Variants in DCAF5 observed in about 807,000 individuals in gnomAD.
DCAF5 encodes DDB1 and CUL4 associated factor 5.
In DCAF5, 9 loss-of-function variants were observed where a neutral mutation model predicts 80.7. The ratio of observed to expected loss-of-function variants is 0.11; its 90% CI spans 0.07 to 0.19. The LOEUF (loss-of-function observed/expected upper bound fraction) is 0.19. Among genes scored for constraint, DCAF5 ranks in the 10% least tolerant of loss-of-function variants. The pLI is 1.00. For missense variants in DCAF5, 842 were observed against 1,205.7 expected (o/e 0.70, Z 4.47); for synonymous variants, 433 against 461.9 (o/e 0.94, Z 0.80).
rs1266315983 is a variant in DCAF5, at chr14:69,119,185, T to G, written c.395+9A>C. On this transcript the variant is annotated intron_variant, in intron 3 of 8. Transcript: ENST00000341516. Reference sequence around the variant, plus strand: ...GTCAATCACCTTCACACACCACCAATCTATTTACCTTTCAACATCATGGAG... The same window carrying G: ...GTCAATCACCTTCACACACCACCAAGCTATTTACCTTTCAACATCATGGAG... 6.2e-7 allele frequency: 1 copy of G among 1,612,738 alleles called. No individual in the cohort carries two copies. Among genetic ancestry groups the G allele is most frequent in the Admixed American group, 1.7e-5 (1 of 59,680 alleles).
At chr14:69,132,357 C>T (rs1337282984) in intron 1 of DCAF5, among the ~76,000 whole-genome samples, 1 of 152,138 alleles carries the variant, frequency 6.6e-6, no homozygotes, top group Non-Finnish European at 1.5e-5. Flanking sequence ...GAAATGTTTG[C>T]TGGCCTTTTT....
chr14:69,084,327 A>G, intron 6 of DCAF5: 1 of 950,822 alleles, frequency 1.1e-6, no homozygotes, highest in South Asian at 1.3e-5. Context: ...GACCATATGC[A>G]GAATATCCCA....
chr14:69,071,655 C>T (rs1309418481), intron 7 of DCAF5, among the ~76,000 whole-genome samples: 1 of 152,064 alleles, frequency 6.6e-6, no homozygotes, highest in African/African-American at 2.4e-5. Flanking sequence ...AATGTGTACG[C>T]ACTTATCTTT....
chr14:69,082,632 C>T (rs566544707), intron 6 of DCAF5, among the ~76,000 whole-genome samples: 3 of 152,280 alleles, frequency 2.0e-5, no homozygotes, highest in East Asian at 3.9e-4. Context: ...AGATGAGGGG[C>T]CATTAACCAT....
At chr14:69,082,640 C>T (rs772797747) in intron 6 of DCAF5, among the ~76,000 whole-genome samples, 10 of 152,206 alleles carry the variant, frequency 6.6e-5, no homozygotes, top group Admixed American at 2.6e-4. Context: ...GGCCATTAAC[C>T]ATTAGCCCCC....
intron 5 of DCAF5, among the ~76,000 whole-genome samples, chr14:69,115,078 G>A (rs1350431733): frequency 3.3e-5 from 5 of 152,232 alleles, no homozygotes; most frequent in Non-Finnish European, 7.3e-5. Flanking sequence ...GGATGAGGCA[G>A]AACAGTTGTT....
intron 1 of DCAF5, among the ~76,000 whole-genome samples, chr14:69,127,152 T>C (rs574094694): frequency 4.2e-4 from 64 of 151,952 alleles, no homozygotes; most frequent in South Asian, 3.5e-3. Flanking sequence ...ACCAAAGGAG[T>C]TGAAACTTGT....
At chr14:69,062,577 T>C in intron 7 of DCAF5, 66 bp from the exon 8 acceptor site, 2 of 1,585,398 alleles carry the variant, frequency 1.3e-6, no homozygotes, top group Non-Finnish European at 1.7e-6. Context: ...GTTCCAGTAA[T>C]GGCAGATAAA....
intron 8 of DCAF5, among the ~76,000 whole-genome samples, chr14:69,056,557 G>A (rs972820274): frequency 5.3e-5 from 8 of 152,218 alleles, no homozygotes; most frequent in African/African-American, 1.9e-4. Flanking sequence ...GCAGCACAGA[G>A]CAGCCCAGTT....
chr14:69,148,027 C>A (rs2041590120), intron 1 of DCAF5, among the ~76,000 whole-genome samples: 1 of 150,162 alleles, frequency 6.7e-6, no homozygotes, highest in Non-Finnish European at 1.5e-5. Context: ...GAGTAACAAT[C>A]CAAGTCAAAT....
At chr14:69,110,871 T>C in intron 5 of DCAF5, among the ~76,000 whole-genome samples, 1 of 87,962 alleles carries the variant, frequency 1.1e-5, no homozygotes, top group Non-Finnish European at 2.0e-5. Context: ...ACCAAGACCC[T>C]GTCTCAAAAA....
intron 7 of DCAF5, among the ~76,000 whole-genome samples, chr14:69,074,971 T>C (rs907026190): frequency 2.6e-5 from 4 of 151,154 alleles, no homozygotes; most frequent in Non-Finnish European, 5.9e-5. Context: ...GAGGCAGAGG[T>C]TGCAGTGAGC....
At chr14:69,098,522 A>G (rs939056893) in intron 5 of DCAF5, among the ~76,000 whole-genome samples, 1 of 152,132 alleles carries the variant, frequency 6.6e-6, no homozygotes, top group African/African-American at 2.4e-5. Flanking sequence ...ACGGTGCCAG[A>G]CAATAATAGG....
At position 69,147,950 on chromosome 14, in the gene DCAF5, C is replaced by T. The variant is rs1238829902; in HGVS notation, c.214+4815G>A. Among the ~76,000 whole-genome samples, 5 of 151,994 alleles carry T rather than the reference C, an allele frequency of 3.3e-5. No homozygotes were observed. The East Asian group carries it at 9.6e-4, about 29-fold the overall frequency. ...ATATAGCCACTCTCATTCCAAAGAGCCAAATCTTTGTTTTTGTTTACTGCT... is the reference window on the plus strand; with the variant it reads ...ATATAGCCACTCTCATTCCAAAGAGTCAAATCTTTGTTTTTGTTTACTGCT... On this transcript the variant is annotated intron_variant, in intron 1 of 8. Transcript: ENST00000341516.
At chr14:69,095,820 A>C (rs2039689042) in intron 5 of DCAF5, among the ~76,000 whole-genome samples, 1 of 152,112 alleles carries the variant, frequency 6.6e-6, no homozygotes, top group Non-Finnish European at 1.5e-5. Flanking sequence ...TACCAACAAG[A>C]TTTTCCAAAG....
intron 1 of DCAF5, among the ~76,000 whole-genome samples, chr14:69,124,862 ATTT>A (rs915562926): frequency 6.6e-6 from 1 of 151,260 alleles, no homozygotes; most frequent in South Asian, 2.1e-4. Flanking sequence ...CTGCTACTAT[ATTT>A]TTTTTTAATT....
intron 1 of DCAF5, among the ~76,000 whole-genome samples, chr14:69,136,308 G>A (rs1480579430): frequency 6.6e-6 from 1 of 151,772 alleles, no homozygotes; most frequent in African/African-American, 2.4e-5. Context: ...TAGAGACAGG[G>A]TCTTGCTATG....
rs755048876 is a variant in DCAF5, at chr14:69,055,147, C to A, written c.1539G>T (p.Leu513=). The A allele has an allele frequency of 6.8e-6, 11 of 1,614,138 alleles. No individual in the cohort carries two copies. The highest frequency in any genetic ancestry group is 9.3e-6 in the Non-Finnish European group (11 of 1,180,060). The change falls in exon 9 of 9, where the codon CTG becomes CTT. Residue 513 remains leucine, a synonymous_variant. Coordinates refer to ENST00000341516, the MANE Select transcript of DCAF5 (RefSeq NM_003861.3). The surrounding 1 kb of genome is among the most constrained non-coding windows in gnomAD (Gnocchi z 5.6). ...TGTCTTGGTAGCGCCGCAGAGCAGA[C>A]AGACGCTGCTGGCGAGAGGCTGCAT... ...CEDAASRQQR[L]SALRRYQDKR...
In DCAF5 at chr14:69,053,553, C is replaced by T. The variant is rs917932205; in HGVS notation, c.*304G>A. ...TGTGCGTACACAAGAACAAGTCGAA[C>T]GTCTCAACAAAGATTTACTTCCACA... On this transcript the variant is annotated 3_prime_UTR_variant, in exon 9 of 9. Transcript: ENST00000341516. The T allele has an allele frequency of 3.6e-5, 11 of 307,412 alleles. No homozygotes were observed. Among genetic ancestry groups the T allele is most frequent in the Admixed American group, 9.3e-5 (2 of 21,424 alleles). 19.0% of individuals were successfully genotyped at this position (307,412 alleles called of 1,614,324 possible).
Sources: allele counts gnomAD v4.1 joint callset (sites outside exome capture counted in the v4.1 genomes callset), GRCh38; gene constraint gnomAD v4.1.1; non-coding constraint Gnocchi (gnomAD v3.1); transcripts MANE v1.5; gene names NCBI Gene and HGNC (gene_info 2026-07-23, HGNC 2026-07-21).